Variants in UTRN observed in about 807,000 individuals in gnomAD.
UTRN encodes utrophin, also known as dystrophin-related protein 1.
In UTRN, 283 loss-of-function variants were observed where a neutral mutation model predicts 463.9. The observed-to-expected ratio is 0.61, with a 90% CI of 0.55 to 0.67. The LOEUF is 0.67. Ranked by LOEUF, UTRN falls within the 30% of genes least tolerant of loss-of-function variation. The probability of loss-of-function intolerance (pLI) is 0.00; values close to 1 mark genes in which losing one functional copy is unlikely to be tolerated. For missense variants in UTRN, 3,922 were observed against 4,084.3 expected (o/e 0.96, Z 1.08); for synonymous variants, 1,442 against 1,431.5 (o/e 1.01, Z -0.17).
chr6:144,364,112 C>G (rs1427054086), intron 2 of UTRN, among the ~76,000 whole-genome samples: 1 of 152,156 alleles, frequency 6.6e-6, no homozygotes, highest in Non-Finnish European at 1.5e-5. Flanking sequence ...AATATCTGGG[C>G]TCTGTTGATG....
intron 3 of UTRN, among the ~76,000 whole-genome samples, chr6:144,419,527 C>A (rs1784645831): frequency 6.6e-6 from 1 of 152,144 alleles, no homozygotes; most frequent in Non-Finnish European, 1.5e-5. Flanking sequence ...GGGAGGGGAA[C>A]AAGGGTTGAA....
chr6:144,600,913 T>G (rs924927621), intron 51 of UTRN, among the ~76,000 whole-genome samples: 7 of 152,190 alleles, frequency 4.6e-5, no homozygotes, highest in Non-Finnish European at 7.4e-5. Flanking sequence ...TTGAAACCAT[T>G]GCTCACCTAC....
At chr6:144,390,651 C>T (rs554658593) in intron 2 of UTRN, among the ~76,000 whole-genome samples, 5 of 152,196 alleles carry the variant, frequency 3.3e-5, no homozygotes, top group Non-Finnish European at 7.4e-5. Context: ...GCTGTTCTCT[C>T]TTCTACAAAT....
intron 71 of UTRN, among the ~76,000 whole-genome samples, chr6:144,837,828 G>C (rs1189154546): frequency 6.6e-6 from 1 of 152,146 alleles, no homozygotes; most frequent in Non-Finnish European, 1.5e-5. Context: ...TTCAGAATTT[G>C]GGTGAGGCTG....
intron 53 of UTRN, among the ~76,000 whole-genome samples, chr6:144,707,411 T>C (rs557918130): frequency 3.3e-5 from 5 of 152,316 alleles, no homozygotes; most frequent in South Asian, 2.1e-4. Context: ...GAAGAAATCA[T>C]GTCTCTTTAT....
rs189307496 is a variant in UTRN at position 144,851,156 on chromosome 6, T to A, written c.*159T>A. 8.0e-6 allele frequency: 7 copies of A among 875,146 alleles called. No individual in the cohort carries two copies. The African/African-American group carries it at 1.0e-4, about 13-fold the overall frequency. 54.2% of individuals were successfully genotyped at this position (875,146 alleles called of 1,614,324 possible). A position where few individuals can be genotyped will look rare whatever the true frequency, so the allele number is the denominator to read the frequency against. On this transcript the variant is annotated 3_prime_UTR_variant, in exon 75 of 75. Coordinates refer to ENST00000367545, the MANE Select transcript of UTRN (RefSeq NM_007124.3). ...TACTGAAAGAGTAAAACACTGACTA[T>A]CCAAAGAGAAATGGATATTTTGTTT...
At chr6:144,630,009 C>A (rs1427327623) in intron 51 of UTRN, among the ~76,000 whole-genome samples, 1 of 150,218 alleles carries the variant, frequency 6.7e-6, no homozygotes, top group Non-Finnish European at 1.5e-5. Flanking sequence ...CATGGTGAAA[C>A]CCCATCTCTA....
At chr6:144,404,238 G>T (rs1244205945) in intron 3 of UTRN, among the ~76,000 whole-genome samples, 5 of 152,192 alleles carry the variant, frequency 3.3e-5, no homozygotes, top group Non-Finnish European at 4.4e-5. Flanking sequence ...AACTTTGACA[G>T]AGGGTTAAAA....
At chr6:144,434,124 C>T (rs949221243) in intron 9 of UTRN, among the ~76,000 whole-genome samples, 8 of 152,224 alleles carry the variant, frequency 5.3e-5, no homozygotes, top group Admixed American at 1.3e-4. Flanking sequence ...GCGGATCACT[C>T]GCGGTCAGGA....
rs547472136 is a variant in UTRN at position 144,496,367 on chromosome 6, A to G, written c.4594-2890A>G. Among the ~76,000 whole-genome samples the G allele has an allele frequency of 2.0e-5, 3 of 152,298 alleles. No homozygotes were observed. The East Asian group carries it at 5.8e-4, about 29-fold the overall frequency. On this transcript the variant is annotated intron_variant, in intron 33 of 74. Transcript: ENST00000367545. ...ATTTTGATCTCACTTCTGCAAGCTTAGATTGTTGATGTGATACATTTTGAT... is the reference window on the plus strand; with the variant it reads ...ATTTTGATCTCACTTCTGCAAGCTTGGATTGTTGATGTGATACATTTTGAT...
chr6:144,601,415 A>G (rs1482999928), intron 51 of UTRN, among the ~76,000 whole-genome samples: 1 of 152,098 alleles, frequency 6.6e-6, no homozygotes, highest in Non-Finnish European at 1.5e-5. Flanking sequence ...GTTGATTCCT[A>G]CCCTCATGGA....
At chr6:144,781,020 C>T (rs1775779781) in intron 60 of UTRN, among the ~76,000 whole-genome samples, 1 of 152,184 alleles carries the variant, frequency 6.6e-6, no homozygotes. Context: ...GTATTCCTCT[C>T]ATAGGGCATG....
At chr6:144,345,715 C>T (rs959027179) in intron 2 of UTRN, among the ~76,000 whole-genome samples, 8 of 152,046 alleles carry the variant, frequency 5.3e-5, no homozygotes, top group East Asian at 1.9e-4. Flanking sequence ...TGTGGCCTTT[C>T]GAAGATTTCC....
rs1278851250 is a variant in UTRN at position 144,755,670 on chromosome 6, A to G, written c.8434+872A>G. On this transcript the variant is annotated intron_variant, in intron 57 of 74. Transcript: ENST00000367545. Reference sequence around the variant, plus strand: ...TTCCTTTCCTTTCATTTCCTTTAGCAAATATATGTAAGAAAGCAATTTGTT... The same window carrying G: ...TTCCTTTCCTTTCATTTCCTTTAGCGAATATATGTAAGAAAGCAATTTGTT... 2.0e-5 allele frequency among the ~76,000 whole-genome samples: 3 copies of G among 152,292 alleles called. No homozygotes were observed. In the East Asian group the frequency reaches 5.8e-4, roughly 29 times the overall value.
rs905040092 is a variant in UTRN, at chr6:144,592,850, G to A, written c.7479+15562G>A. Among the ~76,000 whole-genome samples the A allele has an allele frequency of 5.9e-5, 9 of 152,174 alleles. No individual in the cohort carries two copies. In the East Asian group the frequency reaches 7.7e-4, roughly 13 times the overall value. ...CATAACCCTGTTATAGAATATAAACGGAAACCTAGTCAAGTTGAATGATTT... is the reference window on the plus strand; with the variant it reads ...CATAACCCTGTTATAGAATATAAACAGAAACCTAGTCAAGTTGAATGATTT... On this transcript the variant is annotated intron_variant, in intron 51 of 74. Coordinates refer to ENST00000367545, the MANE Select transcript of UTRN (RefSeq NM_007124.3).
chr6:144,729,624 T>G (rs1440346641), intron 53 of UTRN, among the ~76,000 whole-genome samples: 4 of 152,224 alleles, frequency 2.6e-5, no homozygotes, highest in Non-Finnish European at 5.9e-5. Context: ...TTCATTACTC[T>G]TATCTTGCAG....
intron 51 of UTRN, among the ~76,000 whole-genome samples, chr6:144,607,708 G>A (rs1805015139): frequency 6.6e-6 from 1 of 152,094 alleles, no homozygotes; most frequent in Non-Finnish European, 1.5e-5. Context: ...AAAAACTTCT[G>A]TATAAACTAC....
At chr6:144,298,884 G>A (rs914332619) in intron 2 of UTRN, among the ~76,000 whole-genome samples, 98 of 152,212 alleles carry the variant, frequency 6.4e-4, no homozygotes, top group African/African-American at 2.3e-3. Flanking sequence ...TCAAAAGTAT[G>A]ATCTCTTTAG....
At chr6:144,720,392 C>T (rs1015638835) in intron 53 of UTRN, among the ~76,000 whole-genome samples, 9 of 152,198 alleles carry the variant, frequency 5.9e-5, no homozygotes, top group South Asian at 2.1e-4. Context: ...GCAGTTTATT[C>T]GGCTGCCTGG....
Sources: gnomAD v4.1 joint callset for allele counts (sites outside exome capture counted in the v4.1 genomes callset) on GRCh38, gnomAD v4.1.1 for gene constraint, MANE v1.5 for transcripts, NCBI Gene and HGNC (gene_info 2026-07-23, HGNC 2026-07-21) for gene names.